The following TSPAN7 variants were observed in gnomAD, a reference collection of about 807,000 sequenced individuals.
TSPAN7 encodes tetraspanin-7.
A neutral mutation model predicts 17.6 loss-of-function variants in TSPAN7; 1 was observed. That is an observed-to-expected ratio of 0.06 (90% CI 0.02 to 0.27). The LOEUF is 0.27. Ranked by LOEUF, TSPAN7 falls within the 10% of genes least tolerant of loss-of-function variation. TSPAN7 has a pLI of 1.00. For missense variants in TSPAN7, 112 were observed against 201.7 expected (o/e 0.56, Z 2.69); for synonymous variants, 78 against 79.0 (o/e 0.99, Z 0.07).
intron 1 of TSPAN7, among the ~76,000 whole-genome samples, chrX:38,582,090 G>A (rs750156377): frequency 1.8e-5 from 2 of 112,169 alleles, no homozygotes; most frequent in Non-Finnish European, 3.8e-5. Flanking sequence ...AAAATAATTT[G>A]ACCAGTCACG....
intron 1 of TSPAN7, among the ~76,000 whole-genome samples, chrX:38,628,337 T>A (rs1569309016): frequency 9.1e-6 from 1 of 110,464 alleles, no homozygotes; most frequent in Non-Finnish European, 1.9e-5. Context: ...GGCAAATATG[T>A]TTTTTTTTGT....
intron 1 of TSPAN7, among the ~76,000 whole-genome samples, chrX:38,594,963 T>C (rs1332053759): frequency 9.0e-6 from 1 of 111,331 alleles, no homozygotes; most frequent in East Asian, 2.8e-4. Flanking sequence ...TTCCTCTTCC[T>C]TTTTTTTATA....
At chrX:38,597,934 G>A (rs1173974088) in intron 1 of TSPAN7, among the ~76,000 whole-genome samples, 1 of 111,514 alleles carries the variant, frequency 9.0e-6, no homozygotes, top group Non-Finnish European at 1.9e-5. Context: ...TGGGATGGAA[G>A]CGATATTCCA....
At chrX:38,672,745 CTT>C (rs1394588669) in intron 3 of TSPAN7, among the ~76,000 whole-genome samples, 2 of 111,426 alleles carry the variant, frequency 1.8e-5, no homozygotes, top group African/African-American at 3.3e-5. Flanking sequence ...TACCTAATCT[CTT>C]TTGGCTGAAA....
chrX:38,583,884 C>T (rs1208896290), intron 1 of TSPAN7, among the ~76,000 whole-genome samples: 2 of 108,333 alleles, frequency 1.8e-5, no homozygotes, highest in East Asian at 5.8e-4. Context: ...CCAGATTTAC[C>T]TTTCTAATCA....
chrX:38,596,412 C>A (rs1435486481), intron 1 of TSPAN7, among the ~76,000 whole-genome samples: 2 of 111,934 alleles, frequency 1.8e-5, no homozygotes, highest in Admixed American at 1.9e-4. Flanking sequence ...AAATCAATGG[C>A]ATTGTCACTT....
chrX:38,677,076 C>T (rs983056017), intron 5 of TSPAN7, among the ~76,000 whole-genome samples: 1 of 110,357 alleles, frequency 9.1e-6, no homozygotes, highest in African/African-American at 3.4e-5. Context: ...TCTTTTTTTT[C>T]CCCCCACTCA....
intron 1 of TSPAN7, among the ~76,000 whole-genome samples, chrX:38,630,056 T>C (rs2069541629): frequency 8.9e-6 from 1 of 111,813 alleles, no homozygotes; most frequent in South Asian, 3.7e-4. Flanking sequence ...TGAGATGTTT[T>C]CAAAATTTAG....
chrX:38,564,202 C>T (rs1000391119), intron 1 of TSPAN7, among the ~76,000 whole-genome samples: 22 of 107,967 alleles, frequency 2.0e-4, no homozygotes, highest in Non-Finnish European at 3.6e-4. Context: ...CTAGAGATTT[C>T]CATATTGCAG....
intron 1 of TSPAN7, among the ~76,000 whole-genome samples, chrX:38,623,346 G>A (rs1602103183): frequency 9.0e-6 from 1 of 110,965 alleles, no homozygotes; most frequent in Non-Finnish European, 1.9e-5. Context: ...ATCATGAAGA[G>A]GATTCAACTT....
At chrX:38,615,971 C>T (rs2069453647) in intron 1 of TSPAN7, among the ~76,000 whole-genome samples, 1 of 111,837 alleles carries the variant, frequency 8.9e-6, no homozygotes, top group Non-Finnish European at 1.9e-5. Flanking sequence ...TCAATCCTGT[C>T]TCTACCTTGC....
intron 1 of TSPAN7, among the ~76,000 whole-genome samples, chrX:38,645,992 T>G (rs907282948): frequency 8.9e-6 from 1 of 111,878 alleles, no homozygotes; most frequent in Non-Finnish European, 1.9e-5. Flanking sequence ...AGTATAGGGT[T>G]GTTTTTTGGG....
chrX:38,577,557 C>T (rs1289162122), intron 1 of TSPAN7, among the ~76,000 whole-genome samples: 8 of 104,957 alleles, frequency 7.6e-5, no homozygotes, highest in Non-Finnish European at 7.8e-5. Context: ...AGCAAACTAT[C>T]GCAAGGACAA....
At chrX:38,573,796 G>A (rs1412325286) in intron 1 of TSPAN7, among the ~76,000 whole-genome samples, 2 of 111,430 alleles carry the variant, frequency 1.8e-5, no homozygotes, top group Non-Finnish European at 3.8e-5. Context: ...CCTCAATTTG[G>A]ATTTGCCTGA....
intron 4 of TSPAN7, 33 bp from the exon 5 acceptor site, chrX:38,675,672 A>AT: frequency 1.7e-6 from 2 of 1,210,082 alleles, no homozygotes; most frequent in Non-Finnish European, 2.2e-6. Flanking sequence ...TTGATCTGCC[A>AT]TTTTTTTATT....
At chrX:38,638,056 C>T (rs1416304388) in intron 1 of TSPAN7, among the ~76,000 whole-genome samples, 1 of 110,977 alleles carries the variant, frequency 9.0e-6, no homozygotes, top group Admixed American at 9.5e-5. Flanking sequence ...GGATTCCACA[C>T]TATGTACCCC....
intron 1 of TSPAN7, among the ~76,000 whole-genome samples, chrX:38,601,549 T>A (rs1450208557): frequency 8.9e-6 from 1 of 112,094 alleles, no homozygotes; most frequent in African/African-American, 3.2e-5. Context: ...TTGACACAAA[T>A]ATTTATCCTC....
chrX:38,675,812 C>T lies in TSPAN7; in HGVS notation c.549C>T (p.Pro183=). The T allele has an allele frequency of 8.3e-7, 1 of 1,211,576 alleles. No individual in the cohort carries two copies. Among genetic ancestry groups the T allele is most frequent in the South Asian group, 1.8e-5 (1 of 56,946 alleles). Residue 183 remains proline (P), a synonymous_variant, in exon 5 of 8, where the codon CCC becomes CCT. Coordinates refer to ENST00000378482, the MANE Select transcript of TSPAN7 (RefSeq NM_004615.4). ...SCCMNETDCN[P]QDLHNLTVAA... ...GCATGAACGAAACTGATTGTAATCC[C>T]CAGGATCTACACAATCTGACTGTGG... is the stretch of plus-strand genomic sequence containing the variant.
At chrX:38,582,304 T>C (rs1370980321) in intron 1 of TSPAN7, among the ~76,000 whole-genome samples, 1 of 112,224 alleles carries the variant, frequency 8.9e-6, no homozygotes, top group African/African-American at 3.2e-5. Context: ...TCAATGACAA[T>C]AATTTATCAT....
Sources: allele counts gnomAD v4.1 joint callset (sites outside exome capture counted in the v4.1 genomes callset), GRCh38; gene constraint gnomAD v4.1.1; transcripts MANE v1.5; gene names NCBI Gene and HGNC (gene_info 2026-07-23, HGNC 2026-07-21).